REPS1: variants seen among roughly 807,000 people sequenced by gnomAD.
REPS1 encodes the protein ralBP1-associated Eps domain-containing protein 1.
REPS1 carries 39 observed loss-of-function variants against 100.9 expected under a neutral mutation model. The observed-to-expected ratio is 0.39, with a 90% CI of 0.30 to 0.50. The LOEUF (loss-of-function observed/expected upper bound fraction) is 0.50. REPS1 is among the 20% of genes least tolerant of loss of function. REPS1 has a pLI of 0.86. For synonymous variants in REPS1, 324 were observed against 340.3 expected, an observed-to-expected ratio of 0.95 and a Z score of 0.53; for missense variants, 821 against 968.5, an observed-to-expected ratio of 0.85 and a Z score of 2.02.
chr6:138,931,579 A>T (rs932198568), intron 8 of REPS1, among the ~76,000 whole-genome samples: 4 of 152,164 alleles, frequency 2.6e-5, no homozygotes, highest in African/African-American at 9.7e-5. Flanking sequence ...TTGTTTTCTA[A>T]GATCAGAAAT....
At chr6:138,915,581 T>TA (rs1343137879) in intron 14 of REPS1, among the ~76,000 whole-genome samples, 1 of 151,418 alleles carries the variant, frequency 6.6e-6, no homozygotes, top group Non-Finnish European at 1.5e-5. Flanking sequence ...GCCTCCCGAG[T>TA]AGCTGGGACC....
chr6:138,972,683 T>TAAAAAAAAAAA (rs11330627), intron 1 of REPS1, among the ~76,000 whole-genome samples: 1 of 133,074 alleles, frequency 7.5e-6, no homozygotes. Flanking sequence ...ACAATACCAC[T>TAAAAAAAAAAA]AAAAAAAAAA....
At chr6:138,915,101 T>C (rs1387899941) in intron 14 of REPS1, 5 of 238,154 alleles carry the variant, frequency 2.1e-5, no homozygotes, top group Admixed American at 5.5e-5. Context: ...CCCTTTCACT[T>C]AACACTTCAC....
chr6:138,953,214 A>T (rs1783155819), intron 1 of REPS1, among the ~76,000 whole-genome samples: 1 of 152,206 alleles, frequency 6.6e-6, no homozygotes, highest in African/African-American at 2.4e-5. Context: ...TAATACCTAA[A>T]TATAGCACCC....
At chr6:138,927,638 T>C (rs1781220653) in intron 9 of REPS1, 1 of 152,164 alleles carries the variant, frequency 6.6e-6, no homozygotes, top group Non-Finnish European at 1.5e-5. Flanking sequence ...AAATTAAATA[T>C]TAGCAAATGA....
intron 2 of REPS1, 93 bp from the exon 3 acceptor site, chr6:138,945,790 G>A (rs1046493911): frequency 9.4e-7 from 1 of 1,059,622 alleles, no homozygotes; most frequent in Non-Finnish European, 1.3e-6. Flanking sequence ...TAGAATTTTT[G>A]TAAAAATGGA....
At chr6:138,922,177 C>G (rs1006234060) in intron 10 of REPS1, among the ~76,000 whole-genome samples, 3 of 152,086 alleles carry the variant, frequency 2.0e-5, no homozygotes, top group African/African-American at 7.2e-5. Flanking sequence ...GTAAACTGCT[C>G]AAGAAAATTT....
intron 1 of REPS1, among the ~76,000 whole-genome samples, chr6:138,951,512 A>C (rs138783462): frequency 6.6e-6 from 1 of 152,306 alleles, no homozygotes; most frequent in East Asian, 1.9e-4. Flanking sequence ...TTTATAAAAT[A>C]TTTTAACCAC....
chr6:138,944,028 AT>A lies in REPS1; in HGVS notation c.754-14del. ...CTGTTGTCTGGTCCTGTAATGAAAC[AT>A]TTTTTCCTCAGTACAATATCTACCT... is the stretch of plus-strand genomic sequence containing the variant. On this transcript the variant is annotated splice_polypyrimidine_tract_variant and intron_variant, in intron 5 of 19. Coordinates refer to ENST00000450536, the MANE Select transcript of REPS1 (RefSeq NM_001286611.2). 3 of 1,613,034 alleles carry A rather than the reference AT, an allele frequency of 1.9e-6. No homozygotes were observed. The highest frequency in any genetic ancestry group is 2.5e-6 in the Non-Finnish European group (3 of 1,179,502).
chr6:138,924,471 G>C (rs539190416), intron 10 of REPS1, among the ~76,000 whole-genome samples: 3 of 152,132 alleles, frequency 2.0e-5, no homozygotes, highest in African/African-American at 4.8e-5. Flanking sequence ...GTCAGTCGTA[G>C]GTCAATTTAT....
At chr6:138,974,789 T>C (rs2128505629) in intron 1 of REPS1, among the ~76,000 whole-genome samples, 1 of 152,288 alleles carries the variant, frequency 6.6e-6, no homozygotes, top group Non-Finnish European at 1.5e-5. Context: ...GGTTCACGCC[T>C]GTAATCCTTG....
At chr6:138,955,307 G>C (rs1307103739) in intron 1 of REPS1, among the ~76,000 whole-genome samples, 2 of 151,902 alleles carry the variant, frequency 1.3e-5, no homozygotes, top group Non-Finnish European at 2.9e-5. Context: ...CATATAAGCA[G>C]GGTGTGATGG....
chr6:138,974,659 G>A (rs897245646), intron 1 of REPS1, among the ~76,000 whole-genome samples: 2 of 152,218 alleles, frequency 1.3e-5, no homozygotes, highest in Admixed American at 6.5e-5. Context: ...TTTCAAGAAA[G>A]TTTCAGAAAA....
At chr6:138,979,105 C>CG (rs1784768541) in intron 1 of REPS1, among the ~76,000 whole-genome samples, 1 of 136,646 alleles carries the variant, frequency 7.3e-6, no homozygotes, top group Admixed American at 8.3e-5. Flanking sequence ...CGCTTCAACC[C>CG]GGGAGGCGGA....
intron 1 of REPS1, among the ~76,000 whole-genome samples, chr6:138,980,032 G>A (rs906412871): frequency 1.1e-4 from 16 of 152,022 alleles, no homozygotes; most frequent in African/African-American, 3.4e-4. Context: ...CCTCTCCCAC[G>A]AAACAATCCC....
intron 8 of REPS1, among the ~76,000 whole-genome samples, chr6:138,931,731 A>C (rs1026894816): frequency 1.3e-5 from 2 of 152,096 alleles, no homozygotes; most frequent in African/African-American, 4.8e-5. Flanking sequence ...TAGGATAAAC[A>C]ATAGTAGCAA....
At chr6:138,914,156 A>G (rs995290687) in intron 15 of REPS1, among the ~76,000 whole-genome samples, 2 of 152,066 alleles carry the variant, frequency 1.3e-5, no homozygotes. Flanking sequence ...TGCAGCCTTG[A>G]TCTCCCAGGC....
chr6:138,955,457 A>AAAGTGTGTGTGTGT (rs10689184), intron 1 of REPS1, among the ~76,000 whole-genome samples: 27 of 90,730 alleles, frequency 3.0e-4, no homozygotes, highest in East Asian at 4.8e-4. Context: ...AAAAAAAAAA[A>AAAGTGTGTGTGTGT]GTGTGTGTGT....
At chr6:138,942,211 C>A (rs1032643139) in intron 7 of REPS1, among the ~76,000 whole-genome samples, 2 of 152,146 alleles carry the variant, frequency 1.3e-5, no homozygotes, top group African/African-American at 4.8e-5. Flanking sequence ...AGCCACTCCA[C>A]CTTGCTGTCT....
Sources: gnomAD v4.1 joint callset for allele counts (sites outside exome capture counted in the v4.1 genomes callset) on GRCh38, gnomAD v4.1.1 for gene constraint, MANE v1.5 for transcripts, NCBI Gene and HGNC (gene_info 2026-07-23, HGNC 2026-07-21) for gene names.